Variants in SRRM3 observed in about 807,000 individuals in gnomAD.
SRRM3 encodes the protein serine/arginine repetitive matrix protein 3.
SRRM3 carries 27 observed loss-of-function variants against 66.2 expected under a neutral mutation model. The observed-to-expected ratio is 0.41, with a 90% CI of 0.30 to 0.56. The LOEUF (loss-of-function observed/expected upper bound fraction) is 0.56, where lower values mean the gene tolerates loss of function less well. Among genes scored for constraint, SRRM3 ranks in the 20% least tolerant of loss-of-function variants. The pLI is 0.32. For missense variants in SRRM3, 918 were observed against 991.9 expected, an observed-to-expected ratio of 0.93 and a Z score of 1.00; for synonymous variants, 391 against 414.9, an observed-to-expected ratio of 0.94 and a Z score of 0.70.
chr7:76,283,148 GA>G, intron 14 of SRRM3, 47 bp downstream of exon 14: 1 of 1,359,890 alleles, frequency 7.4e-7, no homozygotes, highest in Non-Finnish European at 9.4e-7. Context: ...TGGGGCCGCT[GA>G]CCCGGATCAG....
At chr7:76,267,007 G>A (rs1482014892) in intron 10 of SRRM3, among the ~76,000 whole-genome samples, 1 of 152,068 alleles carries the variant, frequency 6.6e-6, no homozygotes, top group African/African-American at 2.4e-5. Flanking sequence ...ATTTACCAGG[G>A]GAGTGATAAC....
chr7:76,268,359 G>A (rs1014085579), intron 11 of SRRM3: 3 of 150,708 alleles, frequency 2.0e-5, no homozygotes, highest in Non-Finnish European at 4.4e-5. Flanking sequence ...TCAGAGAGAG[G>A]GGGCTGCAGT....
chr7:76,224,128 T>C, intron 1 of SRRM3, among the ~76,000 whole-genome samples: 1 of 118,346 alleles, frequency 8.4e-6, no homozygotes, highest in Non-Finnish European at 1.7e-5. Context: ...TCCCCCAGGA[T>C]GGAGTGCAGT....
At chr7:76,205,966 C>G (rs1004326040) in intron 1 of SRRM3, among the ~76,000 whole-genome samples, 3 of 152,098 alleles carry the variant, frequency 2.0e-5, no homozygotes, top group Non-Finnish European at 4.4e-5. Context: ...AATCTTGGGA[C>G]TGACAGGGCC....
intron 11 of SRRM3, chr7:76,267,951 C>G (rs1305346671): frequency 6.7e-6 from 1 of 149,624 alleles, no homozygotes; most frequent in Non-Finnish European, 1.5e-5. Context: ...TCCCCAGCCC[C>G]TCCCTCCCTC....
intron 11 of SRRM3, among the ~76,000 whole-genome samples, chr7:76,276,570 G>A (rs1312998523): frequency 6.6e-6 from 1 of 152,144 alleles, no homozygotes; most frequent in Non-Finnish European, 1.5e-5. Flanking sequence ...GTGGGAGGTG[G>A]GGAGAGGGGA....
At chr7:76,204,728 T>G (rs1554600964) in intron 1 of SRRM3, among the ~76,000 whole-genome samples, 1 of 152,112 alleles carries the variant, frequency 6.6e-6, no homozygotes, top group Non-Finnish European at 1.5e-5. Flanking sequence ...CTGTATGACC[T>G]TGAAGGGGTC....
At chr7:76,246,585 AGAGAG>A (rs1554606186) in intron 2 of SRRM3, among the ~76,000 whole-genome samples, 1 of 152,142 alleles carries the variant, frequency 6.6e-6, no homozygotes, top group Admixed American at 6.6e-5. Flanking sequence ...ATTAAAAAAA[AGAGAG>A]AAAAGAAAAG....
chr7:76,237,684 G>A (rs567761346), intron 2 of SRRM3, among the ~76,000 whole-genome samples: 104 of 152,144 alleles, frequency 6.8e-4, no homozygotes, highest in Non-Finnish European at 1.1e-3. Context: ...GGGTTGACAG[G>A]GACAGACAAG....
At chr7:76,248,141 A>T (rs782211267) in intron 2 of SRRM3, 47 bp from the exon 3 acceptor site, 1 of 1,520,700 alleles carries the variant, frequency 6.6e-7, no homozygotes, top group Admixed American at 1.8e-5. Context: ...GAAAGAGGGA[A>T]CCAAATCTGG....
rs782342068 is a variant in SRRM3, at chr7:76,260,861, C to T, written c.546-13C>T. The T allele has an allele frequency of 1.9e-6, 3 of 1,558,066 alleles. No homozygotes were observed. In the South Asian group the frequency reaches 3.6e-5, roughly 18 times the overall value. On this transcript the variant is annotated splice_polypyrimidine_tract_variant and intron_variant, in intron 5 of 14. Coordinates refer to ENST00000611745, the MANE Select transcript of SRRM3 (RefSeq NM_001110199.3). ...CCATCCGTCTGTCCTTTCTTCCTGG[C>T]ATCTGCCCTCAGCAAAAAGAGGAGA...
rs781852712 is a variant in SRRM3, at chr7:76,263,877, CAAAAAAAAAAAA to C, written c.675-871_675-860del. Among the ~76,000 whole-genome samples the C allele has an allele frequency of 5.5e-4, 27 of 49,526 alleles. 1 individual carries two copies. Among genetic ancestry groups the C allele is most frequent in the South Asian group, 9.1e-4 (1 of 1,100 alleles). The allele number at this position is 49,526 out of a possible 152,430, so 32.5% of individuals were successfully genotyped here. ...AACAGAGCGGGACTCTGTCTCAAGACAAAAAAAAAAAAAAAAAAAAAAAAAAAAGCAGGGACA... is the reference window on the plus strand; with the variant it reads ...AACAGAGCGGGACTCTGTCTCAAGACAAAAAAAAAAAAAAAAGCAGGGACA... On this transcript the variant is annotated intron_variant, in intron 8 of 14. Transcript: ENST00000611745.
At chr7:76,274,073 A>C (rs2108275) in intron 11 of SRRM3, among the ~76,000 whole-genome samples, 20,898 of 152,218 alleles carry the variant, frequency 0.14, 2,079 homozygotes, top group African/African-American at 0.27. Flanking sequence ...CTCACCCTTC[A>C]TCCCTGCCAG....
Position 76,282,680 on chromosome 7 carries a change from C to T in SRRM3, c.1403C>T (p.Ala468Val). Residue 468 changes from alanine to valine, a missense_variant, in exon 13 of 15, where the codon GCC becomes GTC. Physicochemically the swap from Ala to Val is moderately conservative, Grantham distance 64 (BLOSUM62 0). Transcript: ENST00000611745. Reference protein sequence around the residue: ...AKERPPRARPASTSPSPGAHG... With the variant: ...AKERPPRARPVSTSPSPGAHG... Reference sequence around the variant, plus strand: ...GAGCGGCCCCCGCGCGCGCGGCCCGCCAGCACCTCTCCGTCCCCGGGCGCG... The same window carrying T: ...GAGCGGCCCCCGCGCGCGCGGCCCGTCAGCACCTCTCCGTCCCCGGGCGCG... The T allele has an allele frequency of 7.0e-7, 1 of 1,430,402 alleles. No homozygotes were observed. The highest frequency in any genetic ancestry group is 9.1e-7 in the Non-Finnish European group (1 of 1,098,884). The allele number at this position is 1,430,402 out of a possible 1,614,324, so 88.6% of individuals were successfully genotyped here. A position where few individuals can be genotyped will look rare whatever the true frequency, so the allele number is the denominator to read the frequency against.
chr7:76,231,948 G>C (rs1302334958), intron 1 of SRRM3, among the ~76,000 whole-genome samples: 2 of 152,162 alleles, frequency 1.3e-5, no homozygotes, highest in Admixed American at 6.6e-5. Context: ...ATGCATTTGG[G>C]GGATGAGGAC....
At chr7:76,250,629 G>A (rs1801557517) in intron 3 of SRRM3, among the ~76,000 whole-genome samples, 1 of 152,156 alleles carries the variant, frequency 6.6e-6, no homozygotes, top group Admixed American at 6.6e-5. Flanking sequence ...TTGCTGGGTA[G>A]TGAGGGGTAA....
chr7:76,263,841 C>T (rs1554609076), intron 8 of SRRM3, among the ~76,000 whole-genome samples: 2 of 136,738 alleles, frequency 1.5e-5, no homozygotes, highest in Non-Finnish European at 1.5e-5. Flanking sequence ...CCACTGCACA[C>T]CAGCCTGGGC....
chr7:76,226,769 T>G (rs1800874773), intron 1 of SRRM3, among the ~76,000 whole-genome samples: 1 of 152,110 alleles, frequency 6.6e-6, no homozygotes, highest in Admixed American at 6.6e-5. Flanking sequence ...TTTTGTATTT[T>G]TAGTAGAGAC....
At chr7:76,220,626 C>T (rs1800685467) in intron 1 of SRRM3, among the ~76,000 whole-genome samples, 1 of 152,206 alleles carries the variant, frequency 6.6e-6, no homozygotes, top group African/African-American at 2.4e-5. Context: ...AAGGGTCAGC[C>T]CGAGTCCTGC....
Sources: gnomAD v4.1 joint callset for allele counts (sites outside exome capture counted in the v4.1 genomes callset) on GRCh38, gnomAD v4.1.1 for gene constraint, MANE v1.5 for transcripts, NCBI Gene and HGNC (gene_info 2026-07-23, HGNC 2026-07-21) for gene names.